Variants in TOGARAM1 observed in about 807,000 individuals in gnomAD.
TOGARAM1 encodes TOG array regulator of axonemal microtubules 1, also known as TOG array regulator of axonemal microtubules protein 1.
In TOGARAM1, 100 loss-of-function variants were observed where a neutral mutation model predicts 166.6. That is an observed-to-expected ratio of 0.60 (90% CI 0.51 to 0.71). The LOEUF (loss-of-function observed/expected upper bound fraction) is 0.71, where lower values mean the gene tolerates loss of function less well. Among genes scored for constraint, TOGARAM1 ranks in the 30% least tolerant of loss-of-function variants. The probability of loss-of-function intolerance (pLI) is 0.00; values close to 1 mark genes in which losing one functional copy is unlikely to be tolerated. For missense variants in TOGARAM1, 2,029 were observed against 2,102.7 expected (o/e 0.96, Z 0.69); for synonymous variants, 758 against 763.8 (o/e 0.99, Z 0.13).
intron 11 of TOGARAM1, among the ~76,000 whole-genome samples, chr14:45,039,414 G>A (rs1202056054): frequency 6.6e-6 from 1 of 152,126 alleles, no homozygotes; most frequent in Non-Finnish European, 1.5e-5. Flanking sequence ...GGCTTCACCT[G>A]CCCCTTTCTG....
chr14:45,060,140 G>A (rs1430055274), intron 16 of TOGARAM1, among the ~76,000 whole-genome samples: 2 of 149,092 alleles, frequency 1.3e-5, no homozygotes, highest in Non-Finnish European at 3.0e-5. Flanking sequence ...GGATGGTCTC[G>A]ATCTCCTGAC....
chr14:45,053,218 T>A (rs1241818062), intron 15 of TOGARAM1, among the ~76,000 whole-genome samples: 1 of 151,980 alleles, frequency 6.6e-6, no homozygotes, highest in Admixed American at 6.6e-5. Flanking sequence ...TTTTGTATTT[T>A]TTAGTAGAGA....
intron 1 of TOGARAM1, among the ~76,000 whole-genome samples, chr14:44,974,413 T>A (rs368193077): frequency 2.6e-5 from 4 of 152,254 alleles, no homozygotes; most frequent in African/African-American, 9.6e-5. Context: ...ACATGTTGTC[T>A]TTTTTCATTA....
intron 13 of TOGARAM1, among the ~76,000 whole-genome samples, chr14:45,046,120 C>T (rs895064103): frequency 3.3e-5 from 5 of 150,864 alleles, no homozygotes; most frequent in African/African-American, 1.2e-4. Context: ...TGTTGAGGAG[C>T]TGTTAAATCA....
intron 1 of TOGARAM1, among the ~76,000 whole-genome samples, chr14:44,967,681 G>A (rs1173554195): frequency 1.3e-5 from 2 of 152,094 alleles, no homozygotes; most frequent in Non-Finnish European, 2.9e-5. Flanking sequence ...AAACACAAGG[G>A]GCCTAGTGGG....
rs1887822374 is a variant in TOGARAM1, at chr14:45,004,064, A to G, written c.2342A>G (p.Tyr781Cys). The G allele has an allele frequency of 1.2e-6, 2 of 1,613,454 alleles. No individual in the cohort carries two copies. The highest frequency in any genetic ancestry group is 2.2e-5 in the South Asian group (2 of 91,014). The change falls in exon 4 of 20, where the codon TAT (tyrosine) becomes TGT (cysteine). Residue 781 changes from tyrosine (Y) to cysteine (C), a missense_variant. Physicochemically the swap from Tyr to Cys is radical, Grantham distance 194 (BLOSUM62 -2). Transcript: ENST00000361462. ...ATTATCTTTTGTTTTATTACAGTGT[A>G]TGCTAGCCTCAATTTTGGCAGTAAG... is the stretch of plus-strand genomic sequence containing the variant. ...GTTSSHQEKV[Y>C]ASLNFGSKTQ...
At chr14:44,992,763 G>T (rs1008603592) in intron 1 of TOGARAM1, among the ~76,000 whole-genome samples, 1 of 151,264 alleles carries the variant, frequency 6.6e-6, no homozygotes, top group South Asian at 2.1e-4. Flanking sequence ...GACTACAGGC[G>T]CCTGCCACCA....
chr14:45,070,603 T>A (rs888470732), intron 18 of TOGARAM1, among the ~76,000 whole-genome samples: 1 of 152,246 alleles, frequency 6.6e-6, no homozygotes, highest in Non-Finnish European at 1.5e-5. Flanking sequence ...ATAATACATA[T>A]AACATCCAAA....
In TOGARAM1 at chr14:45,073,386, A is replaced by G; in HGVS notation, c.5147A>G (p.Asn1716Ser). The G allele has an allele frequency of 1.9e-6, 3 of 1,614,188 alleles. No individual in the cohort carries two copies. Among genetic ancestry groups the G allele is most frequent in the Non-Finnish European group, 2.5e-6 (3 of 1,180,028 alleles). The part of the protein sequence containing the change: ...VLWHLLGNMT[N>S]SGSLPGAGGN... ...TGGCATCTCTTAGGAAATATGACAA[A>G]TAGTGGCTCTCTGCCTGGAGCTGGA... Residue 1716 changes from asparagine to serine, a missense_variant, in exon 20 of 20, where the codon AAT becomes AGT. Physicochemically the swap from Asn to Ser is conservative, Grantham distance 46. Around this residue, in one of 2 missense-constraint regions of TOGARAM1, gnomAD observed 576 missense variants for 670.5 expected, o/e 0.86. Coordinates refer to ENST00000361462, the MANE Select transcript of TOGARAM1 (RefSeq NM_001308120.2).
intron 1 of TOGARAM1, among the ~76,000 whole-genome samples, chr14:44,975,187 A>G (rs2138737677): frequency 6.6e-6 from 1 of 152,302 alleles, no homozygotes; most frequent in East Asian, 1.9e-4. Context: ...TTTGACACAG[A>G]TCAACTGAAA....
At chr14:45,070,449 C>T (rs1883329375) in intron 18 of TOGARAM1, among the ~76,000 whole-genome samples, 1 of 152,108 alleles carries the variant, frequency 6.6e-6, no homozygotes, top group Non-Finnish European at 1.5e-5. Context: ...GCTGTGGTTG[C>T]TCACCATTTC....
rs755999476 is a variant in TOGARAM1, at chr14:44,984,602, T to TA, written c.2047-11131dup. On this transcript the variant is annotated intron_variant, in intron 1 of 19. Coordinates refer to ENST00000361462, the MANE Select transcript of TOGARAM1 (RefSeq NM_001308120.2). ...TGGGCAATATACGAGACCCTGTCTC[T>TA]AAAAAAAAAAAAATGCAAATAAATT... is the stretch of plus-strand genomic sequence containing the variant. 2.3e-3 allele frequency among the ~76,000 whole-genome samples: 330 copies of TA among 141,942 alleles called. 1 individual carries two copies. Among genetic ancestry groups the TA allele is most frequent in the South Asian group, 9.4e-3 (42 of 4,458 alleles). 93.1% of individuals were successfully genotyped at this position (141,942 alleles called of 152,430 possible). A position where few individuals can be genotyped will look rare whatever the true frequency, so the allele number is the denominator to read the frequency against.
intron 1 of TOGARAM1, chr14:44,978,301 G>A (rs906242472): frequency 1.3e-5 from 2 of 151,944 alleles, no homozygotes; most frequent in African/African-American, 4.8e-5. Flanking sequence ...ACAGTTGGCT[G>A]TTTGGAAAAA....
At chr14:45,020,767 T>TATAG (rs1880454241) in intron 7 of TOGARAM1, among the ~76,000 whole-genome samples, 1 of 152,186 alleles carries the variant, frequency 6.6e-6, no homozygotes, top group Non-Finnish European at 1.5e-5. Context: ...TGGTTGTGTC[T>TATAG]ATAGTATTGC....
At chr14:45,006,345 A>G (rs1427290447) in intron 5 of TOGARAM1, 78 bp downstream of exon 5, 1 of 1,050,992 alleles carries the variant, frequency 9.5e-7, no homozygotes, top group African/African-American at 1.6e-5. Context: ...GGAAAAATCA[A>G]GTTCTTTTTA....
Position 45,044,884 on chromosome 14 carries a change from T to C in TOGARAM1, c.4154+14T>C, listed in dbSNP as rs372823565. On this transcript the variant is annotated intron_variant, in intron 13 of 19. Coordinates refer to ENST00000361462, the MANE Select transcript of TOGARAM1 (RefSeq NM_001308120.2). ...TGGTGGACAAAGGTAATGTTCAAAA[T>C]AACCTTGAAATGTCTTTAAACAAAA... The C allele has an allele frequency of 1.3e-5, 20 of 1,582,350 alleles. No homozygotes were observed. In the African/African-American group the frequency reaches 2.6e-4, roughly 20 times the overall value.
intron 7 of TOGARAM1, among the ~76,000 whole-genome samples, chr14:45,025,007 A>G (rs1035711055): frequency 2.0e-5 from 3 of 152,200 alleles, no homozygotes; most frequent in African/African-American, 7.2e-5. Context: ...CAAACACTAT[A>G]TTAGGCTCTG....
Position 44,963,598 on chromosome 14 carries a change from G to A in TOGARAM1, c.1177G>A (p.Val393Ile). The change falls in exon 1 of 20, where the codon GTT (valine) becomes ATT (isoleucine). Residue 393 changes from valine to isoleucine, a missense_variant. By Grantham distance (29) the Val-to-Ile change is conservative. This residue lies in a region of TOGARAM1 where 1,453 missense variants were observed against 1,432.2 expected (regional missense o/e 1.01). Transcript: ENST00000361462. ...TAGTTCTACTCCTCATTCTAGTCTT[G>A]TTGGCTTCATTAGTTTGCTATATAA... ...NPSSTPHSSLVGFISLLYNLL... is the reference protein window; with the variant it reads ...NPSSTPHSSLIGFISLLYNLL... The A allele has an allele frequency of 6.2e-7, 1 of 1,613,620 alleles. No homozygotes were observed. Among genetic ancestry groups the A allele is most frequent in the Non-Finnish European group, 8.5e-7 (1 of 1,179,842 alleles).
chr14:45,008,956 A>G lies in TOGARAM1; in HGVS notation c.2948A>G (p.Lys983Arg). Reference sequence around the variant, plus strand: ...TCCCTTCGTAATAGTGCAGCTAAGAAAAGAGCAAAACTGAGTGGCAGTACT... The same window carrying G: ...TCCCTTCGTAATAGTGCAGCTAAGAGAAGAGCAAAACTGAGTGGCAGTACT... ...LRSLRNSAAK[K>R]RAKLSGSTSD... The change falls in exon 6 of 20, where the codon AAA becomes AGA. Residue 983 changes from lysine (K) to arginine (R), a missense_variant. By Grantham distance (26) the Lys-to-Arg change is conservative. Around this residue, in one of 2 missense-constraint regions of TOGARAM1, gnomAD observed 1,453 missense variants for 1,432.2 expected, o/e 1.01. Coordinates refer to ENST00000361462, the MANE Select transcript of TOGARAM1 (RefSeq NM_001308120.2). The G allele has an allele frequency of 6.2e-7, 1 of 1,614,132 alleles. No homozygotes were observed. The highest frequency in any genetic ancestry group is 8.5e-7 in the Non-Finnish European group (1 of 1,179,988).
Sources: allele counts gnomAD v4.1 joint callset (sites outside exome capture counted in the v4.1 genomes callset), GRCh38; gene constraint gnomAD v4.1.1; regional missense constraint gnomAD v4.1.1; transcripts MANE v1.5; gene names NCBI Gene and HGNC (gene_info 2026-07-23, HGNC 2026-07-21).